Variants in ATP4B observed in about 807,000 individuals in gnomAD.
ATP4B encodes the protein ATPase H+/K+ transporting subunit beta.
Under a neutral mutation model 35.3 loss-of-function variants are expected in ATP4B, and 27 were observed. The ratio of observed to expected loss-of-function variants is 0.76; its 90% CI spans 0.56 to 1.05. The LOEUF (loss-of-function observed/expected upper bound fraction) is 1.05. ATP4B is among the 50% of genes least tolerant of loss of function. The pLI is 0.00. For missense variants in ATP4B, 375 were observed against 384.8 expected (o/e 0.97, Z 0.21); for synonymous variants, 162 against 156.0 (o/e 1.04, Z -0.29).
In ATP4B at chr13:113,650,269, A is replaced by G. The variant is rs752995617; in HGVS notation, c.714+137T>C. On this transcript the variant is annotated intron_variant, in intron 6 of 6. Transcript: ENST00000335288. This position sits in a 1 kb window ranked among gnomAD's most constrained non-coding sequence, Gnocchi z 5.0. ...AAGAACCTGGGCTTGGGAAACACGC[A>G]GAACGTTCCAGTCAGGACCGGCTAA... The G allele has an allele frequency of 1.4e-5, 11 of 769,120 alleles. No homozygotes were observed. Among genetic ancestry groups the G allele is most frequent in the Middle Eastern group, 2.5e-4 (1 of 4,016 alleles). 47.6% of individuals were successfully genotyped at this position (769,120 alleles called of 1,614,324 possible).
chr13:113,658,010 G>T (rs765617584), intron 1 of ATP4B, 23 bp downstream of exon 1: 1 of 1,567,734 alleles, frequency 6.4e-7, no homozygotes, highest in South Asian at 1.1e-5. Flanking sequence ...CATGCACCCA[G>T]CCGGCCCGCC....
At chr13:113,652,764 C>A (rs193141905) in intron 4 of ATP4B, 109 bp downstream of exon 4, 1 of 1,317,908 alleles carries the variant, frequency 7.6e-7, no homozygotes, top group Non-Finnish European at 1.1e-6. Flanking sequence ...GTCCCTGTCC[C>A]GCTTGGGCAA....
intron 2 of ATP4B, among the ~76,000 whole-genome samples, chr13:113,654,209 T>C (rs1410806477): frequency 6.6e-6 from 1 of 152,214 alleles, no homozygotes; most frequent in African/African-American, 2.4e-5. Context: ...GTGGATTTTG[T>C]TAAGAGTAAA....
rs981320478 is a variant in ATP4B at position 113,652,200 on chromosome 13, C to T, written c.556-473G>A. On this transcript the variant is annotated intron_variant, in intron 4 of 6. Coordinates refer to ENST00000335288, the MANE Select transcript of ATP4B (RefSeq NM_000705.4). ...ATCCCCTGCTGTGCTCCGAGGGTGG[C>T]AGCTGCCATGAGACGGGCACAGTGG... Among the ~76,000 whole-genome samples, 129 of 152,206 alleles carry T rather than the reference C, an allele frequency of 8.5e-4. 1 individual carries two copies. The highest frequency in any genetic ancestry group is 3.0e-3 in the African/African-American group (124 of 41,460).
chr13:113,657,365 G>A (rs892059523), intron 1 of ATP4B, among the ~76,000 whole-genome samples: 10 of 152,230 alleles, frequency 6.6e-5, no homozygotes, highest in African/African-American at 2.2e-4. Context: ...TCTCATAAGG[G>A]GTGAGGGCGT....
Position 113,649,691 on chromosome 13 carries a change from G to C in ATP4B, c.715-156C>G, listed in dbSNP as rs530123900. Reference sequence around the variant, plus strand: ...CCGAGTGCATGCCCTGGAATTTGCTGAGATAACACCCCCCATGTAAAAATG... The same window carrying C: ...CCGAGTGCATGCCCTGGAATTTGCTCAGATAACACCCCCCATGTAAAAATG... On this transcript the variant is annotated intron_variant, in intron 6 of 6. Transcript: ENST00000335288. The surrounding 1 kb of genome is among the most constrained non-coding windows in gnomAD (Gnocchi z 4.7). Among the ~76,000 whole-genome samples the C allele has an allele frequency of 6.6e-6, 1 of 152,338 alleles. No homozygotes were observed. The highest frequency in any genetic ancestry group is 2.1e-4 in the South Asian group (1 of 4,826).
At chr13:113,657,549 C>T (rs2049764979) in intron 1 of ATP4B, among the ~76,000 whole-genome samples, 1 of 152,218 alleles carries the variant, frequency 6.6e-6, no homozygotes, top group African/African-American at 2.4e-5. Flanking sequence ...GCAGGTGCTG[C>T]AGGCTGAGGC....
Position 113,658,154 on chromosome 13 carries a change from C to G in ATP4B, c.-10G>C. The G allele has an allele frequency of 6.2e-7, 1 of 1,608,930 alleles. No homozygotes were observed. Among genetic ancestry groups the G allele is most frequent in the Non-Finnish European group, 8.5e-7 (1 of 1,177,816 alleles). Reference sequence around the variant, plus strand: ...CCTGCAGAGCCGCCATCGTCCCTGGCCTGAGATCCTCCCGTCTGCTCCCTG... The same window carrying G: ...CCTGCAGAGCCGCCATCGTCCCTGGGCTGAGATCCTCCCGTCTGCTCCCTG... On this transcript the variant is annotated 5_prime_UTR_variant, in exon 1 of 7. Coordinates refer to ENST00000335288, the MANE Select transcript of ATP4B (RefSeq NM_000705.4).
intron 1 of ATP4B, among the ~76,000 whole-genome samples, chr13:113,656,515 C>G (rs1029921223): frequency 2.6e-5 from 4 of 152,156 alleles, no homozygotes; most frequent in African/African-American, 9.7e-5. Flanking sequence ...CCTGGGCCCC[C>G]GCTTGCACCA....
chr13:113,650,713 C>G lies in ATP4B; in HGVS notation c.613-206G>C, dbSNP rs2140699050. Among the ~76,000 whole-genome samples, 1 of 152,264 alleles carries G rather than the reference C, an allele frequency of 6.6e-6. No homozygotes were observed. Among genetic ancestry groups the G allele is most frequent in the East Asian group, 1.9e-4 (1 of 5,174 alleles). Reference sequence around the variant, plus strand: ...ATATGATTTGTTAGCATGCAAAATGCCCAGTGACCCCTCCGTGTGCCTCTA... The same window carrying G: ...ATATGATTTGTTAGCATGCAAAATGGCCAGTGACCCCTCCGTGTGCCTCTA... On this transcript the variant is annotated intron_variant, in intron 5 of 6. Transcript: ENST00000335288. The surrounding 1 kb of genome is among the most constrained non-coding windows in gnomAD (Gnocchi z 5.0).
At chr13:113,653,131 C>A in intron 3 of ATP4B, 59 bp from the exon 4 acceptor site, 2 of 1,558,054 alleles carry the variant, frequency 1.3e-6, no homozygotes, top group Non-Finnish European at 1.7e-6. Flanking sequence ...CTGGCTGCCC[C>A]CCGGGAAGGC....
Position 113,654,765 on chromosome 13 carries a change from G to A in ATP4B, c.241+49C>T, listed in dbSNP as rs367722749. 4.8e-5 allele frequency: 77 copies of A among 1,593,240 alleles called. 1 individual carries two copies. Among genetic ancestry groups the A allele is most frequent in the Middle Eastern group, 3.4e-4 (2 of 5,840 alleles). On this transcript the variant is annotated intron_variant, in intron 2 of 6. Transcript: ENST00000335288. ...CGGGCGTCTCCAGAGCCGAGGAGGC[G>A]GCAGCCTGGCCTGTCACACGGCATG...
intron 5 of ATP4B, 52 bp downstream of exon 5, chr13:113,651,619 C>A: frequency 6.5e-7 from 1 of 1,534,110 alleles, no homozygotes; most frequent in Non-Finnish European, 8.8e-7. Context: ...CAGCACGACC[C>A]TGACAAGCTC....
intron 1 of ATP4B, 118 bp from the exon 2 acceptor site, chr13:113,655,060 A>G: frequency 7.3e-7 from 1 of 1,371,566 alleles, no homozygotes; most frequent in Non-Finnish European, 9.9e-7. Flanking sequence ...GTTCCAGAAC[A>G]TTCTCCTCCC....
intron 1 of ATP4B, among the ~76,000 whole-genome samples, chr13:113,656,202 G>T (rs2049753224): frequency 6.6e-6 from 1 of 152,164 alleles, no homozygotes; most frequent in Non-Finnish European, 1.5e-5. Context: ...GGCCCTGCAG[G>T]TCCTGCCTCA....
intron 1 of ATP4B, among the ~76,000 whole-genome samples, chr13:113,657,465 C>T (rs909750226): frequency 2.0e-5 from 3 of 152,234 alleles, no homozygotes; most frequent in African/African-American, 7.2e-5. Flanking sequence ...GCTTTCCTCC[C>T]AGGAGGGCCA....
chr13:113,653,146 C>T, intron 3 of ATP4B, 74 bp from the exon 4 acceptor site: 1 of 1,535,852 alleles, frequency 6.5e-7, no homozygotes, highest in Non-Finnish European at 8.8e-7. Context: ...GAAGGCCTTG[C>T]AAGCCCTGAG....
Position 113,658,017 on chromosome 13 carries a change from C to G in ATP4B, c.112+16G>C. The G allele has an allele frequency of 6.3e-7, 1 of 1,583,088 alleles. No individual in the cohort carries two copies. Among genetic ancestry groups the G allele is most frequent in the Non-Finnish European group, 8.6e-7 (1 of 1,167,040 alleles). On this transcript the variant is annotated intron_variant, in intron 1 of 6. Transcript: ENST00000335288. ...GCCCCCTCCATGCACCCAGCCGGCCCGCCCCCCGCACGTACCCCACCGGGA... is the reference window on the plus strand; with the variant it reads ...GCCCCCTCCATGCACCCAGCCGGCCGGCCCCCCGCACGTACCCCACCGGGA...
chr13:113,654,842 CG>C lies in ATP4B; in HGVS notation c.212del (p.Pro71ArgfsTer12). On this transcript the variant is annotated frameshift_variant, in exon 2 of 7. Coordinates refer to ENST00000335288, the MANE Select transcript of ATP4B (RefSeq NM_000705.4). LOFTEE classifies it high-confidence loss of function. ...VLMQTVDPYTPDYQDQLRSPG... is the reference protein window; with the variant it reads ...VLMQTVDPYTXDYQDQLRSPG... Reference sequence around the variant, plus strand: ...GTGACCGTAGCTGGTCTTGGTAGTCCGGTGTGTACGGGTCCACTGTCTGCAT... The same window carrying C: ...GTGACCGTAGCTGGTCTTGGTAGTCCGTGTGTACGGGTCCACTGTCTGCAT... 6.2e-7 allele frequency: 1 copy of C among 1,613,992 alleles called. No homozygotes were observed. Among genetic ancestry groups the C allele is most frequent in the Non-Finnish European group, 8.5e-7 (1 of 1,179,992 alleles).
Sources: gnomAD v4.1 joint callset for allele counts (sites outside exome capture counted in the v4.1 genomes callset) on GRCh38, gnomAD v4.1.1 for gene constraint, Gnocchi (gnomAD v3.1) non-coding constraint, MANE v1.5 for transcripts, NCBI Gene and HGNC (gene_info 2026-07-23, HGNC 2026-07-21) for gene names.